GJB7: variants seen among roughly 807,000 people sequenced by gnomAD.
GJB7 encodes gap junction beta-7 protein.
For synonymous variants in GJB7, 87 were observed against 95.2 expected, an observed-to-expected ratio of 0.91 and a Z score of 0.50; for missense variants, 253 against 256.8, an observed-to-expected ratio of 0.99 and a Z score of 0.10.
intron 1 of GJB7, among the ~76,000 whole-genome samples, chr6:87,326,214 C>T (rs1356151167): frequency 6.6e-6 from 1 of 152,174 alleles, no homozygotes; most frequent in Non-Finnish European, 1.5e-5. Flanking sequence ...GTTCAAAAAA[C>T]CAGCTCCTGG....
intron 2 of GJB7, among the ~76,000 whole-genome samples, chr6:87,318,227 T>C (rs1038413719): frequency 2.6e-5 from 4 of 151,900 alleles, no homozygotes; most frequent in African/African-American, 7.3e-5. Context: ...TTTTCAAAAA[T>C]AGCAAGATGT....
chr6:87,309,564 C>T (rs2127907124), intron 2 of GJB7, among the ~76,000 whole-genome samples: 1 of 152,264 alleles, frequency 6.6e-6, no homozygotes, highest in Middle Eastern at 3.4e-3. Context: ...TGCAACCTAC[C>T]CCAAAGGCCA....
intron 1 of GJB7, among the ~76,000 whole-genome samples, chr6:87,326,471 T>C (rs1276830427): frequency 6.6e-6 from 1 of 152,196 alleles, no homozygotes; most frequent in Non-Finnish European, 1.5e-5. Flanking sequence ...TTTGTGTCTT[T>C]GTTCTCGTTG....
At chr6:87,324,453 G>A (rs1249962324) in intron 1 of GJB7, among the ~76,000 whole-genome samples, 2 of 150,648 alleles carry the variant, frequency 1.3e-5, no homozygotes, top group South Asian at 4.2e-4. Flanking sequence ...TGTATAAGGT[G>A]TAAGGAAGGG....
In GJB7 at chr6:87,284,293, A is replaced by G. The variant is rs1313405417; in HGVS notation, c.620T>C (p.Ile207Thr). The G allele has an allele frequency of 3.1e-6, 5 of 1,613,926 alleles. No homozygotes were observed. Among genetic ancestry groups the G allele is most frequent in the Admixed American group, 1.7e-5 (1 of 59,996 alleles). The change falls in exon 3 of 3, where the codon ATT becomes ACT. Residue 207 changes from isoleucine (I) to threonine (T), a missense_variant. By Grantham distance (89) the Ile-to-Thr change is moderately conservative. Coordinates refer to ENST00000525899, the MANE Select transcript of GJB7 (RefSeq NM_198568.3). The part of the protein sequence containing the change: ...ELSFLVLKCF[I>T]KCCLQKYLKK... The stretch of plus-strand genomic sequence containing the variant: ...TAAATATTTTTGGAGACAGCACTTA[A>G]TAAAGCACTTGAGAACCAAAAAACT...
chr6:87,327,786 A>C (rs1776865995), intron 1 of GJB7, among the ~76,000 whole-genome samples: 1 of 147,002 alleles, frequency 6.8e-6, no homozygotes, highest in Admixed American at 6.8e-5. Flanking sequence ...TATTTCCTGA[A>C]TCTGAATGTT....
At chr6:87,315,424 A>G (rs1029619535) in intron 2 of GJB7, among the ~76,000 whole-genome samples, 1 of 152,174 alleles carries the variant, frequency 6.6e-6, no homozygotes, top group African/African-American at 2.4e-5. Flanking sequence ...TTCCACTTGG[A>G]TGTATTTTAA....
rs201292709 is a variant in GJB7 at position 87,284,787 on chromosome 6, G to A, written c.126C>T (p.His42=). The stretch of plus-strand genomic sequence containing the variant: ...ACTCTTTCTGCTCATCTTTCCACAC[G>A]TGCTCTGCTGCCACCATGTAGACCA... ...RLLVYMVAAE[H]VWKDEQKEFE... is the part of the protein sequence containing the mutation. Residue 42 remains histidine, a synonymous_variant, in exon 3 of 3, where the codon CAC becomes CAT. Coordinates refer to ENST00000525899, the MANE Select transcript of GJB7 (RefSeq NM_198568.3). 1.4e-5 allele frequency: 22 copies of A among 1,614,068 alleles called. No homozygotes were observed. In the African/African-American group the frequency reaches 1.5e-4, roughly 11 times the overall value.
chr6:87,309,791 G>T (rs918809050), intron 2 of GJB7, among the ~76,000 whole-genome samples: 11 of 152,160 alleles, frequency 7.2e-5, no homozygotes, highest in African/African-American at 2.4e-4. Flanking sequence ...GGAAGCTTTT[G>T]TGGTAAGACA....
At chr6:87,303,082 G>C (rs865828200) in intron 2 of GJB7, among the ~76,000 whole-genome samples, 8 of 152,198 alleles carry the variant, frequency 5.3e-5, no homozygotes, top group African/African-American at 1.9e-4. Flanking sequence ...ATGCCAAATT[G>C]TAAAGACCAT....
At chr6:87,306,739 A>G (rs1033167938) in intron 2 of GJB7, among the ~76,000 whole-genome samples, 4 of 152,220 alleles carry the variant, frequency 2.6e-5, no homozygotes, top group African/African-American at 9.6e-5. Flanking sequence ...TGTTTATTGC[A>G]GCACTATTTA....
At chr6:87,287,966 A>G (rs1310374168) in intron 2 of GJB7, among the ~76,000 whole-genome samples, 3 of 152,066 alleles carry the variant, frequency 2.0e-5, no homozygotes, top group African/African-American at 7.2e-5. Context: ...GCAGTGGTGC[A>G]ATTTCAGCTC....
At chr6:87,287,026 C>A (rs9359743) in intron 2 of GJB7, among the ~76,000 whole-genome samples, 80,405 of 152,034 alleles carry the variant, frequency 0.53, 21,602 homozygotes, top group Admixed American at 0.62. Context: ...TGGCTCCTAG[C>A]AGCTAGAAAC....
Position 87,328,075 on chromosome 6 carries a change from G to A in GJB7, c.-206+1063C>T, listed in dbSNP as rs1372156206. 6.6e-5 allele frequency among the ~76,000 whole-genome samples: 10 copies of A among 152,092 alleles called. No homozygotes were observed. In the South Asian group the frequency reaches 2.1e-3, roughly 32 times the overall value. ...CTCCTGAGGCTTCTGCATTCTTCAC[G>A]TAGTTCTTGAGCCTTGGTTTTCAGC... is the stretch of plus-strand genomic sequence containing the variant. On this transcript the variant is annotated intron_variant, in intron 1 of 2. Transcript: ENST00000525899.
chr6:87,302,785 T>A (rs928883909), intron 2 of GJB7, among the ~76,000 whole-genome samples: 1 of 152,118 alleles, frequency 6.6e-6, no homozygotes, highest in Non-Finnish European at 1.5e-5. Flanking sequence ...AGAGAAAGGT[T>A]GGGTTACCTA....
At chr6:87,320,651 A>C (rs1776643286) in intron 2 of GJB7, among the ~76,000 whole-genome samples, 1 of 152,238 alleles carries the variant, frequency 6.6e-6, no homozygotes, top group South Asian at 2.1e-4. Context: ...ATGTATCAAT[A>C]CATGTAAGGT....
chr6:87,325,024 T>G (rs12190249), intron 1 of GJB7, among the ~76,000 whole-genome samples: 94,593 of 151,434 alleles, frequency 0.62, 29,953 homozygotes, highest in African/African-American at 0.7. Context: ...TTTATTCTCT[T>G]TGAAGCAATT....
At position 87,329,272 on chromosome 6, in the gene GJB7, C is replaced by T. The variant is rs1018218859; in HGVS notation, c.-340G>A. 1 of 152,944 alleles carries T rather than the reference C, an allele frequency of 6.5e-6. No homozygotes were observed. The highest frequency in any genetic ancestry group is 2.4e-5 in the African/African-American group (1 of 41,462). 9.5% of individuals were successfully genotyped at this position (152,944 alleles called of 1,614,324 possible). ...CTGTTCCTATTCAGCCATCTTGGCT[C>T]CTCCCCTCTTGTTTTGTTTTTAGAC... On this transcript the variant is annotated 5_prime_UTR_variant, in exon 1 of 3. Transcript: ENST00000525899.
At chr6:87,304,863 G>A (rs1776397750) in intron 2 of GJB7, among the ~76,000 whole-genome samples, 1 of 152,142 alleles carries the variant, frequency 6.6e-6, no homozygotes, top group Non-Finnish European at 1.5e-5. Flanking sequence ...TTGCAAGGCT[G>A]GTTCAACATA....
Sources: allele counts gnomAD v4.1 joint callset (sites outside exome capture counted in the v4.1 genomes callset), GRCh38; gene constraint gnomAD v4.1.1; transcripts MANE v1.5; gene names NCBI Gene and HGNC (gene_info 2026-07-23, HGNC 2026-07-21).